The following ZBTB7C variants were observed in gnomAD, a reference collection of about 807,000 sequenced individuals.
ZBTB7C encodes the protein zinc finger and BTB domain containing 7C.
A neutral mutation model predicts 25.7 loss-of-function variants in ZBTB7C; 8 were observed. The ratio of observed to expected loss-of-function variants is 0.31; its 90% confidence interval spans 0.18 to 0.56. The LOEUF is 0.56. Ranked by LOEUF, ZBTB7C falls within the 20% of genes least tolerant of loss-of-function variation. The pLI is 0.91. For missense variants in ZBTB7C, 824 were observed against 855.2 expected (o/e 0.96, Z 0.46); for synonymous variants, 394 against 369.0 (o/e 1.07, Z -0.78).
intron 3 of ZBTB7C, among the ~76,000 whole-genome samples, chr18:48,179,364 T>C (rs1198143923): frequency 6.6e-6 from 1 of 152,176 alleles, no homozygotes; most frequent in Non-Finnish European, 1.5e-5. Context: ...TGCATGTCAC[T>C]TGGGGGCCTT....
chr18:48,368,041 G>T, intron 1 of ZBTB7C, among the ~76,000 whole-genome samples: 1 of 151,896 alleles, frequency 6.6e-6, no homozygotes, highest in Non-Finnish European at 1.5e-5. Flanking sequence ...AAATCTCCAG[G>T]TTTCAATCAA....
At chr18:48,335,928 G>A (rs1019547864) in intron 2 of ZBTB7C, among the ~76,000 whole-genome samples, 6 of 151,982 alleles carry the variant, frequency 3.9e-5, no homozygotes, top group Admixed American at 2.0e-4. Context: ...AATGACACAC[G>A]TGGCTTGCAT....
At chr18:48,052,431 G>A (rs2036726301) in intron 3 of ZBTB7C, among the ~76,000 whole-genome samples, 1 of 152,194 alleles carries the variant, frequency 6.6e-6, no homozygotes. Context: ...AGGCATTAAG[G>A]TGCTCCACAG....
intron 1 of ZBTB7C, among the ~76,000 whole-genome samples, chr18:48,362,913 C>T (rs1446490411): frequency 6.6e-6 from 1 of 152,122 alleles, no homozygotes; most frequent in Non-Finnish European, 1.5e-5. Flanking sequence ...AAGGTGTGGC[C>T]GCTGCACCTG....
chr18:48,064,497 C>A (rs2037245478), intron 3 of ZBTB7C, among the ~76,000 whole-genome samples: 1 of 152,228 alleles, frequency 6.6e-6, no homozygotes, highest in South Asian at 2.1e-4. Flanking sequence ...AATCCCAGCA[C>A]TTTGGGAGGC....
At chr18:48,271,197 C>T (rs2044475935) in intron 2 of ZBTB7C, among the ~76,000 whole-genome samples, 1 of 152,078 alleles carries the variant, frequency 6.6e-6, no homozygotes, top group Non-Finnish European at 1.5e-5. Context: ...CCAAAGCAAA[C>T]TGTCTCAGAG....
intron 2 of ZBTB7C, among the ~76,000 whole-genome samples, chr18:48,192,926 A>T (rs906962708): frequency 2.0e-5 from 3 of 152,200 alleles, no homozygotes; most frequent in Non-Finnish European, 4.4e-5. Flanking sequence ...TAATTTCTCT[A>T]TAAATTTAAA....
At chr18:48,355,075 G>C (rs2046946608) in intron 1 of ZBTB7C, among the ~76,000 whole-genome samples, 1 of 152,210 alleles carries the variant, frequency 6.6e-6, no homozygotes, top group South Asian at 2.1e-4. Context: ...CTGGGCCCTG[G>C]AGAAGAGAGC....
Position 48,092,918 on chromosome 18 carries a change from C to T in ZBTB7C, c.-16-51795G>A, listed in dbSNP as rs73429567. Among the ~76,000 whole-genome samples, 352 of 152,238 alleles carry T rather than the reference C, an allele frequency of 2.3e-3. 2 individuals carry two copies. Among genetic ancestry groups the T allele is most frequent in the African/African-American group, 8.1e-3 (335 of 41,538 alleles). ...CAAACTTTTGCTGAGCCTTGCTTGC[C>T]GAAGGAAAGCCATGAAATACCCTGG... On this transcript the variant is annotated intron_variant, in intron 3 of 4. Transcript: ENST00000590800.
intron 2 of ZBTB7C, among the ~76,000 whole-genome samples, chr18:48,193,092 C>T (rs940178037): frequency 6.6e-6 from 1 of 152,176 alleles, no homozygotes; most frequent in Admixed American, 6.5e-5. Context: ...CCTGCACGAT[C>T]CTCCCAACTT....
At chr18:48,094,798 C>T (rs939898493) in intron 3 of ZBTB7C, among the ~76,000 whole-genome samples, 1 of 152,096 alleles carries the variant, frequency 6.6e-6, no homozygotes, top group Non-Finnish European at 1.5e-5. Context: ...GACTTCTGTT[C>T]CCTGACCTCA....
chr18:48,304,579 G>A (rs2045623770), intron 2 of ZBTB7C, among the ~76,000 whole-genome samples: 2 of 152,216 alleles, frequency 1.3e-5, no homozygotes, highest in Non-Finnish European at 2.9e-5. Context: ...GGAGGCTGAG[G>A]CAGGAGAATC....
intron 1 of ZBTB7C, among the ~76,000 whole-genome samples, chr18:48,341,354 G>A (rs1351987288): frequency 6.6e-6 from 1 of 152,236 alleles, no homozygotes; most frequent in Non-Finnish European, 1.5e-5. Context: ...TAGGAGGCAA[G>A]GCCTGTGGCT....
intron 2 of ZBTB7C, among the ~76,000 whole-genome samples, chr18:48,334,387 T>C (rs2046413121): frequency 1.3e-5 from 2 of 152,304 alleles, no homozygotes; most frequent in South Asian, 2.1e-4. Context: ...TTGAGTCCTA[T>C]GGCAGCACCA....
chr18:48,040,888 C>T lies in ZBTB7C; in HGVS notation c.220G>A (p.Val74Ile), dbSNP rs751782036. The change falls in exon 4 of 5, where the codon GTC (valine) becomes ATC (isoleucine). Residue 74 changes from valine to isoleucine, a missense_variant. Val to Ile is a conservative substitution (Grantham distance 29, BLOSUM62 3). This residue lies in a region of ZBTB7C where 117 missense variants were observed against 167.7 expected (regional missense o/e 0.70). Transcript: ENST00000590800. ...GGCTGGACAAAGTCGATCTCATAGACGTAGGGCTGGCTGGCTAGGGTGCCG... is the reference window on the plus strand; with the variant it reads ...GGCTGGACAAAGTCGATCTCATAGATGTAGGGCTGGCTGGCTAGGGTGCCG... ...TAGTLASQPYVYEIDFVQPEA... is the reference protein window; with the variant it reads ...TAGTLASQPYIYEIDFVQPEA... 178 of 1,614,192 alleles carry T rather than the reference C, an allele frequency of 1.1e-4. No homozygotes were observed. In the Middle Eastern group the frequency reaches 3.0e-3, roughly 27 times the overall value.
chr18:48,092,598 C>A (rs907552185), intron 3 of ZBTB7C, among the ~76,000 whole-genome samples: 5 of 152,176 alleles, frequency 3.3e-5, no homozygotes, highest in Non-Finnish European at 7.3e-5. Context: ...TTGCATCTGT[C>A]TTTAAGTTCT....
intron 2 of ZBTB7C, among the ~76,000 whole-genome samples, chr18:48,249,173 AT>A (rs1210928905): frequency 6.6e-6 from 1 of 152,258 alleles, no homozygotes; most frequent in East Asian, 1.9e-4. Context: ...ATGGCACTGT[AT>A]TAAATAATAT....
At chr18:48,041,243 T>TC in intron 3 of ZBTB7C, 120 bp from the exon 4 acceptor site, 1 of 1,427,702 alleles carries the variant, frequency 7.0e-7, no homozygotes, top group East Asian at 2.5e-5. Context: ...GCAAGGCCAG[T>TC]CCTCCTACCT....
At chr18:48,285,631 C>T (rs1006499660) in intron 2 of ZBTB7C, among the ~76,000 whole-genome samples, 1 of 152,180 alleles carries the variant, frequency 6.6e-6, no homozygotes, top group Admixed American at 6.5e-5. Flanking sequence ...GGATTACAGG[C>T]ATGAGCCATT....
Sources: gnomAD v4.1 joint callset for allele counts (sites outside exome capture counted in the v4.1 genomes callset) on GRCh38, gnomAD v4.1.1 for gene constraint, gnomAD v4.1.1 regional missense constraint, MANE v1.5 for transcripts, NCBI Gene and HGNC (gene_info 2026-07-23, HGNC 2026-07-21) for gene names.